The following PID1 variants were observed in gnomAD, a reference collection of about 807,000 sequenced individuals.
PID1 encodes the protein phosphotyrosine interaction domain containing 1, also known as PTB-containing, cubilin and LRP1-interacting protein.
A neutral mutation model predicts 19.1 loss-of-function variants in PID1; 10 were observed. The observed-to-expected ratio is 0.52, with a 90% CI of 0.32 to 0.89. PID1 has a LOEUF of 0.89. Ranked by LOEUF, PID1 falls within the 40% of genes least tolerant of loss-of-function variation. The pLI is 0.03. For synonymous variants in PID1, 130 were observed against 116.0 expected (o/e 1.12, Z -0.78); for missense variants, 248 against 285.3 (o/e 0.87, Z 0.94).
intron 2 of PID1, among the ~76,000 whole-genome samples, chr2:229,092,399 C>G (rs538903769): frequency 1.3e-5 from 2 of 152,140 alleles, no homozygotes; most frequent in Non-Finnish European, 2.9e-5. Flanking sequence ...ACTACCCAAT[C>G]CTTGTGTTTT....
chr2:229,214,331 G>C (rs1157565913), intron 1 of PID1, among the ~76,000 whole-genome samples: 7 of 152,126 alleles, frequency 4.6e-5, no homozygotes, highest in Non-Finnish European at 1.0e-4. Context: ...TGGAGCAGAG[G>C]ATCCCCCATC....
At chr2:229,251,993 AAC>A (rs1476327616) in intron 1 of PID1, among the ~76,000 whole-genome samples, 2 of 152,048 alleles carry the variant, frequency 1.3e-5, no homozygotes, top group African/African-American at 4.8e-5. Context: ...AAGAAAAAAA[AAC>A]ACACAAAGAA....
intron 1 of PID1, among the ~76,000 whole-genome samples, chr2:229,162,875 C>A (rs1034085058): frequency 1.3e-5 from 2 of 152,046 alleles, no homozygotes; most frequent in African/African-American, 4.8e-5. Flanking sequence ...CTTGCTTATT[C>A]TTTTTAATGA....
At chr2:229,139,057 GAGAA>G (rs10701076) in intron 2 of PID1, among the ~76,000 whole-genome samples, 2,421 of 45,324 alleles carry the variant, frequency 0.053, 148 homozygotes, top group Non-Finnish European at 0.06. Flanking sequence ...AAGAAAGAAA[GAGAA>G]AGAAAGAAAG....
intron 1 of PID1, among the ~76,000 whole-genome samples, chr2:229,217,867 C>T (rs1473766672): frequency 6.6e-6 from 1 of 152,038 alleles, no homozygotes; most frequent in Non-Finnish European, 1.5e-5. Context: ...CCTCACGCAC[C>T]CTCCAACTAC....
At chr2:229,051,124 C>A (rs746420184) in intron 2 of PID1, among the ~76,000 whole-genome samples, 1 of 152,150 alleles carries the variant, frequency 6.6e-6, no homozygotes, top group Non-Finnish European at 1.5e-5. Flanking sequence ...TCTAGTCTCA[C>A]TCCATGACTA....
At chr2:229,223,806 G>T (rs1692021400) in intron 1 of PID1, among the ~76,000 whole-genome samples, 1 of 152,262 alleles carries the variant, frequency 6.6e-6, no homozygotes, top group African/African-American at 2.4e-5. Flanking sequence ...TAGATTCAGG[G>T]GATACCTATT....
chr2:229,261,578 C>T (rs1690461689), intron 1 of PID1, among the ~76,000 whole-genome samples: 1 of 152,238 alleles, frequency 6.6e-6, no homozygotes, highest in African/African-American at 2.4e-5. Context: ...TATAAAGCAA[C>T]TCTGAGGAAA....
chr2:229,081,625 T>TA (rs1422210734), intron 2 of PID1, among the ~76,000 whole-genome samples: 29 of 152,116 alleles, frequency 1.9e-4, no homozygotes, highest in African/African-American at 6.5e-4. Flanking sequence ...GAAGGTGCAA[T>TA]ATGAGACGCT....
At chr2:229,105,942 G>A (rs549667165) in intron 2 of PID1, among the ~76,000 whole-genome samples, 1 of 152,184 alleles carries the variant, frequency 6.6e-6, no homozygotes, top group South Asian at 2.1e-4. Flanking sequence ...AGCCAGATGT[G>A]GTGGCGCGTG....
chr2:229,156,070 A>G, intron 1 of PID1, 106 bp from the exon 2 acceptor site: 1 of 975,188 alleles, frequency 1.0e-6, no homozygotes, highest in East Asian at 2.5e-5. Context: ...ACTCTGTTCT[A>G]TTAGGGGAGG....
At chr2:229,140,044 G>A (rs1559252436) in intron 2 of PID1, among the ~76,000 whole-genome samples, 1 of 152,130 alleles carries the variant, frequency 6.6e-6, no homozygotes, top group Non-Finnish European at 1.5e-5. Flanking sequence ...GCAAAGCCAA[G>A]AAGCAGCCTC....
intron 1 of PID1, among the ~76,000 whole-genome samples, chr2:229,270,290 C>T (rs1341525779): frequency 1.3e-5 from 2 of 152,212 alleles, no homozygotes; most frequent in Non-Finnish European, 2.9e-5. Context: ...CAAGGCCCAA[C>T]GTGTCACTGA....
chr2:229,163,418 A>G (rs1226085524), intron 1 of PID1, among the ~76,000 whole-genome samples: 1 of 152,230 alleles, frequency 6.6e-6, no homozygotes, highest in African/African-American at 2.4e-5. Context: ...TATATCTATT[A>G]AAGAAATGGC....
At position 229,140,487 on chromosome 2, in the gene PID1, G is replaced by GCACACACA. The variant is rs76485938; in HGVS notation, c.177+15323_177+15330dup. Among the ~76,000 whole-genome samples, 734 of 151,228 alleles carry GCACACACA rather than the reference G, an allele frequency of 4.9e-3. 7 individuals are homozygous for GCACACACA. Among genetic ancestry groups the GCACACACA allele is most frequent in the Admixed American group, 9.8e-3 (148 of 15,170 alleles). On this transcript the variant is annotated intron_variant, in intron 2 of 2. Coordinates refer to ENST00000392055, the MANE Select transcript of PID1 (RefSeq NM_001100818.2). ...ACAGATTTAAGGTAATTAAAAGAGT[G>GCACACACA]CACACACACACACACAAGAAAATGG...
At chr2:229,185,957 C>T (rs886976439) in intron 1 of PID1, among the ~76,000 whole-genome samples, 2 of 152,164 alleles carry the variant, frequency 1.3e-5, no homozygotes, top group Admixed American at 6.5e-5. Flanking sequence ...GTCCCTTCTG[C>T]CTACGAGCCT....
At chr2:229,031,215 CAAAAA>C (rs3083804) in intron 2 of PID1, among the ~76,000 whole-genome samples, 2 of 68,438 alleles carry the variant, frequency 2.9e-5, no homozygotes, top group East Asian at 4.2e-4. Flanking sequence ...GACTCTGTCT[CAAAAA>C]AAAAAAAAAA....
intron 1 of PID1, among the ~76,000 whole-genome samples, chr2:229,176,180 AAAC>A (rs1690819654): frequency 6.6e-6 from 1 of 152,206 alleles, no homozygotes; most frequent in African/African-American, 2.4e-5. Context: ...AAACAAAACA[AAAC>A]AAAAAAAGAT....
At position 229,156,124 on chromosome 2, in the gene PID1, G is replaced by C. The variant is rs182856227; in HGVS notation, c.31-160C>G. 8.5e-5 allele frequency among the ~76,000 whole-genome samples: 13 copies of C among 152,330 alleles called. No individual in the cohort carries two copies. In the East Asian group the frequency reaches 2.5e-3, roughly 29 times the overall value. On this transcript the variant is annotated intron_variant, in intron 1 of 2. Coordinates refer to ENST00000392055, the MANE Select transcript of PID1 (RefSeq NM_001100818.2). Reference sequence around the variant, plus strand: ...AACAGAGGAGGGGGAACTGTGTCCTGTCAGGACGTCACTCAGATGAAACTG... The same window carrying C: ...AACAGAGGAGGGGGAACTGTGTCCTCTCAGGACGTCACTCAGATGAAACTG...
Sources: allele counts gnomAD v4.1 joint callset (sites outside exome capture counted in the v4.1 genomes callset), GRCh38; gene constraint gnomAD v4.1.1; transcripts MANE v1.5; gene names NCBI Gene and HGNC (gene_info 2026-07-23, HGNC 2026-07-21).